Variants in MTHFS observed in about 807,000 individuals in gnomAD.
The protein encoded by MTHFS is methenyltetrahydrofolate synthetase.
MTHFS carries 7 observed loss-of-function variants against 12.7 expected under a neutral mutation model. That is an observed-to-expected ratio of 0.55 (90% CI 0.31 to 1.03). MTHFS has a LOEUF of 1.03. MTHFS is among the 50% of genes least tolerant of loss of function. MTHFS has a pLI of 0.05. For synonymous variants in MTHFS, 100 were observed against 97.1 expected (o/e 1.03, Z -0.18); for missense variants, 252 against 258.1 (o/e 0.98, Z 0.16).
chr15:79,896,433 C>A (rs1405453838), intron 1 of MTHFS, among the ~76,000 whole-genome samples: 1 of 152,218 alleles, frequency 6.6e-6, no homozygotes, highest in Non-Finnish European at 1.5e-5. Flanking sequence ...CGGAGTCTTA[C>A]TCGTAGCTCA....
At chr15:79,862,269 A>C (rs2033930136) in intron 2 of MTHFS, among the ~76,000 whole-genome samples, 1 of 152,190 alleles carries the variant, frequency 6.6e-6, no homozygotes, top group Non-Finnish European at 1.5e-5. Context: ...ACTAACTAAC[A>C]CACCCTATAA....
At chr15:79,892,059 A>G (rs2034484314) in intron 1 of MTHFS, among the ~76,000 whole-genome samples, 1 of 152,148 alleles carries the variant, frequency 6.6e-6, no homozygotes, top group Admixed American at 6.5e-5. Flanking sequence ...AAGGAAAATA[A>G]TTTTAAATTT....
chr15:79,885,100 A>G (rs998887701), intron 2 of MTHFS, among the ~76,000 whole-genome samples: 1 of 152,156 alleles, frequency 6.6e-6, no homozygotes, highest in African/African-American at 2.4e-5. Context: ...ACGCCATGCA[A>G]CCCTAACAAA....
In MTHFS at chr15:79,859,817, C is replaced by CAA. The variant is rs368106807; in HGVS notation, c.380-14377_380-14376dup. Among the ~76,000 whole-genome samples the CAA allele has an allele frequency of 9.1e-3, 533 of 58,356 alleles. 8 individuals carry two copies. The highest frequency in any genetic ancestry group is 0.016 in the Non-Finnish European group (407 of 24,952). The allele number at this position is 58,356 out of a possible 152,430, so 38.3% of individuals were successfully genotyped here. On this transcript the variant is annotated intron_variant, in intron 2 of 2. Transcript: ENST00000258874. ...TGGAAGACAGAGAGAGAATACATGT[C>CAA]AAAAAAAAAAAAAAAAAAAAACCCT...
chr15:79,882,314 C>A (rs1161912228), intron 2 of MTHFS, among the ~76,000 whole-genome samples: 1 of 152,110 alleles, frequency 6.6e-6, no homozygotes. Flanking sequence ...GTGTTAGAGT[C>A]TCCACAGAAT....
rs144730008 is a variant in MTHFS at position 79,854,643 on chromosome 15, A to G, written c.380-9201T>C. Among the ~76,000 whole-genome samples the G allele has an allele frequency of 7.6e-3, 1,153 of 152,350 alleles. 6 individuals are homozygous for G. The highest frequency in any genetic ancestry group is 0.02 in the Middle Eastern group (6 of 294). On this transcript the variant is annotated intron_variant, in intron 2 of 2. Coordinates refer to ENST00000258874, the MANE Select transcript of MTHFS (RefSeq NM_006441.4). ...ATTCTTTATGTCTTATCTTTATAAGAACAAAGCTATTTTCCTTTAGAAAAA... is the reference window on the plus strand; with the variant it reads ...ATTCTTTATGTCTTATCTTTATAAGGACAAAGCTATTTTCCTTTAGAAAAA...
intron 2 of MTHFS, among the ~76,000 whole-genome samples, chr15:79,862,874 G>A (rs2033941996): frequency 3.9e-5 from 6 of 152,120 alleles, no homozygotes; most frequent in Admixed American, 3.9e-4. Context: ...TAGCCACTAA[G>A]ATCCCTGTTT....
chr15:79,845,511 T>C, intron 2 of MTHFS, 69 bp from the exon 3 acceptor site: 1 of 1,540,568 alleles, frequency 6.5e-7, no homozygotes, highest in South Asian at 1.2e-5. Context: ...ATGTGTTTTT[T>C]GTTTTGTAAT....
chr15:79,876,196 T>C (rs2034191538), intron 2 of MTHFS: 1 of 152,024 alleles, frequency 6.6e-6, no homozygotes, highest in Non-Finnish European at 1.5e-5. Flanking sequence ...TGACCTATAA[T>C]CAAGGTGGGG....
At chr15:79,894,178 C>T (rs947779029) in intron 1 of MTHFS, among the ~76,000 whole-genome samples, 15 of 152,022 alleles carry the variant, frequency 9.9e-5, no homozygotes, top group Non-Finnish European at 2.2e-4. Context: ...AGGTCGAGTT[C>T]GAGACCACCC....
intron 2 of MTHFS, among the ~76,000 whole-genome samples, chr15:79,864,330 A>G (rs2033968509): frequency 6.6e-6 from 1 of 152,040 alleles, no homozygotes; most frequent in South Asian, 2.1e-4. Context: ...GAAATACCAG[A>G]GGTCAGGAAT....
chr15:79,890,123 A>T (rs2034448632), intron 1 of MTHFS, among the ~76,000 whole-genome samples: 1 of 151,930 alleles, frequency 6.6e-6, no homozygotes. Flanking sequence ...AGGAGAAGGT[A>T]AATGAGCTTT....
At chr15:79,865,510 C>T (rs1279431867) in intron 2 of MTHFS, among the ~76,000 whole-genome samples, 3 of 152,318 alleles carry the variant, frequency 2.0e-5, no homozygotes, top group Admixed American at 1.3e-4. Context: ...GTCAAGCCCC[C>T]AGCCAGGAGG....
intron 2 of MTHFS, among the ~76,000 whole-genome samples, chr15:79,866,682 G>A (rs191962702): frequency 7.9e-5 from 12 of 152,306 alleles, no homozygotes; most frequent in African/African-American, 2.9e-4. Flanking sequence ...CAGGCACGGT[G>A]GCTCACACCT....
At chr15:79,861,948 A>G (rs973892196) in intron 2 of MTHFS, among the ~76,000 whole-genome samples, 1 of 152,220 alleles carries the variant, frequency 6.6e-6, no homozygotes, top group Non-Finnish European at 1.5e-5. Flanking sequence ...CAGGCTGGGA[A>G]GAAGAGGGGT....
chr15:79,873,038 G>C (rs538171446), intron 2 of MTHFS, among the ~76,000 whole-genome samples: 1 of 152,180 alleles, frequency 6.6e-6, no homozygotes, highest in African/African-American at 2.4e-5. Context: ...AGGGCACTCA[G>C]TAAAACCTCC....
At chr15:79,879,817 ACT>A in intron 2 of MTHFS, among the ~76,000 whole-genome samples, 1 of 152,110 alleles carries the variant, frequency 6.6e-6, no homozygotes, top group African/African-American at 2.4e-5. Context: ...TACACACAAA[ACT>A]CTGACTAAAA....
chr15:79,882,816 C>G (rs976824382), intron 2 of MTHFS, among the ~76,000 whole-genome samples: 10 of 152,232 alleles, frequency 6.6e-5, no homozygotes, highest in Non-Finnish European at 1.5e-4. Flanking sequence ...CTATGGCTTC[C>G]CCAAAACTAG....
intron 2 of MTHFS, among the ~76,000 whole-genome samples, chr15:79,880,791 CAA>C (rs200480158): frequency 9.4e-6 from 1 of 106,734 alleles, no homozygotes. Flanking sequence ...AGTAGTAAAG[CAA>C]AAAAAAAAAA....
Sources: gnomAD v4.1 joint callset for allele counts (sites outside exome capture counted in the v4.1 genomes callset) on GRCh38, gnomAD v4.1.1 for gene constraint, MANE v1.5 for transcripts, NCBI Gene and HGNC (gene_info 2026-07-23, HGNC 2026-07-21) for gene names.